ITGB6: variants seen among roughly 807,000 people sequenced by gnomAD.
The protein encoded by ITGB6 is integrin beta-6.
In ITGB6, 80 loss-of-function variants were observed where a neutral mutation model predicts 84.5. The ratio of observed to expected loss-of-function variants is 0.95; its 90% CI spans 0.79 to 1.14. The LOEUF (loss-of-function observed/expected upper bound fraction) is 1.14. Among genes scored for constraint, ITGB6 ranks in the 50% most tolerant of loss-of-function variants. The probability of loss-of-function intolerance (pLI) is 0.00; values close to 1 mark genes in which losing one functional copy is unlikely to be tolerated. For synonymous variants in ITGB6, 383 were observed against 354.9 expected (o/e 1.08, Z -0.89); for missense variants, 1,006 against 968.0 (o/e 1.04, Z -0.52).
intron 10 of ITGB6, among the ~76,000 whole-genome samples, chr2:160,136,850 A>G (rs1336767603): frequency 3.3e-5 from 5 of 150,332 alleles, no homozygotes; most frequent in Non-Finnish European, 5.9e-5. Context: ...GAATTGAACA[A>G]TGAGAACACA....
At chr2:160,191,580 A>C (rs897576408) in intron 4 of ITGB6, among the ~76,000 whole-genome samples, 16 of 152,226 alleles carry the variant, frequency 1.1e-4, no homozygotes, top group Non-Finnish European at 1.8e-4. Context: ...ATGGTAAAAC[A>C]CTGATCCTTT....
At chr2:160,194,927 T>G (rs1686273863) in intron 4 of ITGB6, among the ~76,000 whole-genome samples, 1 of 151,976 alleles carries the variant, frequency 6.6e-6, no homozygotes, top group Non-Finnish European at 1.5e-5. Context: ...CAGAGAAAGT[T>G]GCAAAAATTA....
intron 4 of ITGB6, among the ~76,000 whole-genome samples, chr2:160,184,277 T>TA (rs1234416134): frequency 2.0e-5 from 3 of 151,952 alleles, no homozygotes; most frequent in South Asian, 4.2e-4. Flanking sequence ...ACAGACACAA[T>TA]AAAAAATGAT....
chr2:160,126,557 A>G lies in ITGB6; in HGVS notation c.1705T>C (p.Trp569Arg), dbSNP rs1446463021. The G allele has an allele frequency of 4.3e-6, 7 of 1,613,798 alleles. No homozygotes were observed. Among genetic ancestry groups the G allele is most frequent in the Non-Finnish European group, 5.9e-6 (7 of 1,179,998 alleles). The change falls in exon 11 of 15, where the codon TGG (tryptophan) becomes CGG (arginine). Residue 569 changes from tryptophan to arginine, a missense_variant. Trp to Arg is a moderately radical substitution (Grantham distance 101, BLOSUM62 -3). Transcript: ENST00000283249. ...DCGECVCRSGWTGEYCNCTTS... is the reference protein window; with the variant it reads ...DCGECVCRSGRTGEYCNCTTS... ...GTGCAGTTGCAGTACTCGCCAGTCC[A>G]GCCGCTCCTGCACACACATTCACCA...
At chr2:160,131,378 C>T (rs529154169) in intron 10 of ITGB6, among the ~76,000 whole-genome samples, 28 of 152,160 alleles carry the variant, frequency 1.8e-4, no homozygotes, top group African/African-American at 6.3e-4. Context: ...AAGAACATTG[C>T]GATAATAGCT....
At chr2:160,103,373 C>T (rs1023409618) in intron 14 of ITGB6, among the ~76,000 whole-genome samples, 2 of 152,208 alleles carry the variant, frequency 1.3e-5, no homozygotes, top group African/African-American at 4.8e-5. Context: ...GACTAAGTGA[C>T]ATGCTACTTT....
chr2:160,175,451 G>T (rs568398470), intron 4 of ITGB6, among the ~76,000 whole-genome samples: 3 of 152,304 alleles, frequency 2.0e-5, no homozygotes, highest in African/African-American at 7.2e-5. Context: ...TTCCCAACTG[G>T]AATCAAACAC....
Position 160,101,665 on chromosome 2 carries a change from G to A in ITGB6, c.*71C>T. On this transcript the variant is annotated 3_prime_UTR_variant, in exon 15 of 15. Coordinates refer to ENST00000283249, the MANE Select transcript of ITGB6 (RefSeq NM_000888.5). Reference sequence around the variant, plus strand: ...ACCAACCTCATTTTGAAGCAACAAAGAGAAAAAAATTAAATAGTGCATTAA... The same window carrying A: ...ACCAACCTCATTTTGAAGCAACAAAAAGAAAAAAATTAAATAGTGCATTAA... 1.1e-6 allele frequency: 1 copy of A among 873,852 alleles called. No individual in the cohort carries two copies. Among genetic ancestry groups the A allele is most frequent in the Non-Finnish European group, 1.9e-6 (1 of 521,298 alleles). 54.1% of individuals were successfully genotyped at this position (873,852 alleles called of 1,614,324 possible).
chr2:160,153,737 T>C (rs1684516171), intron 7 of ITGB6, among the ~76,000 whole-genome samples: 1 of 150,920 alleles, frequency 6.6e-6, no homozygotes, highest in South Asian at 2.1e-4. Context: ...CAAACAAATT[T>C]ACAAGAAAAA....
At chr2:160,170,646 C>A (rs1197217780) in intron 6 of ITGB6, among the ~76,000 whole-genome samples, 3 of 152,146 alleles carry the variant, frequency 2.0e-5, no homozygotes, top group Non-Finnish European at 2.9e-5. Flanking sequence ...AGGCCAGGAA[C>A]CACCTTGTAT....
chr2:160,138,798 T>C (rs530707047), intron 8 of ITGB6, among the ~76,000 whole-genome samples: 15 of 152,336 alleles, frequency 9.8e-5, no homozygotes, highest in Admixed American at 8.5e-4. Context: ...AAACTTTTCA[T>C]CTCAATATCA....
intron 4 of ITGB6, among the ~76,000 whole-genome samples, chr2:160,192,437 C>T (rs1264725550): frequency 6.6e-6 from 1 of 152,070 alleles, no homozygotes; most frequent in African/African-American, 2.4e-5. Context: ...AAAGATGAAC[C>T]TAGACCTTCC....
Position 160,170,648 on chromosome 2 carries a change from A to C in ITGB6, c.922-1341T>G, listed in dbSNP as rs114587778. On this transcript the variant is annotated intron_variant, in intron 6 of 14. Transcript: ENST00000283249. ...TACTGTAAGTTCAAGGCCAGGAACC[A>C]CCTTGTATTATTTTTTGGCCTGAGG... Among the ~76,000 whole-genome samples the C allele has an allele frequency of 4.1e-3, 624 of 152,278 alleles. 4 individuals carry two copies. Among genetic ancestry groups the C allele is most frequent in the African/African-American group, 0.014 (584 of 41,544 alleles).
chr2:160,141,214 G>A (rs555224520), intron 8 of ITGB6, among the ~76,000 whole-genome samples: 1 of 151,670 alleles, frequency 6.6e-6, no homozygotes, highest in African/African-American at 2.4e-5. Flanking sequence ...CTAATTTAGG[G>A]CTTCTTCTTT....
intron 12 of ITGB6, among the ~76,000 whole-genome samples, chr2:160,113,878 A>G (rs1412437373): frequency 6.6e-6 from 1 of 152,080 alleles, no homozygotes; most frequent in African/African-American, 2.4e-5. Flanking sequence ...CCAATTAGCT[A>G]GGGTTCATGA....
intron 4 of ITGB6, among the ~76,000 whole-genome samples, chr2:160,188,314 G>A (rs181661006): frequency 6.6e-6 from 1 of 152,168 alleles, no homozygotes; most frequent in Non-Finnish European, 1.5e-5. Flanking sequence ...GAGAGTTAGG[G>A]CTATAATGGA....
intron 7 of ITGB6, among the ~76,000 whole-genome samples, chr2:160,156,842 T>G (rs1684640494): frequency 6.6e-6 from 1 of 152,176 alleles, no homozygotes; most frequent in Non-Finnish European, 1.5e-5. Context: ...CCACATCACT[T>G]CTGTTAGGTG....
At chr2:160,136,760 A>G (rs1206682639) in intron 10 of ITGB6, among the ~76,000 whole-genome samples, 1 of 152,202 alleles carries the variant, frequency 6.6e-6, no homozygotes, top group Admixed American at 6.5e-5. Flanking sequence ...AGGGACATGG[A>G]TGAAGCTGGA....
chr2:160,154,987 A>G (rs1390242004), intron 7 of ITGB6, among the ~76,000 whole-genome samples: 1 of 152,102 alleles, frequency 6.6e-6, no homozygotes, highest in Non-Finnish European at 1.5e-5. Flanking sequence ...ATAGTGAGTG[A>G]GGTCTCATGA....
Sources: allele counts gnomAD v4.1 joint callset (sites outside exome capture counted in the v4.1 genomes callset), GRCh38; gene constraint gnomAD v4.1.1; transcripts MANE v1.5; gene names NCBI Gene and HGNC (gene_info 2026-07-23, HGNC 2026-07-21).